The following AMMECR1 variants were observed in gnomAD, a reference collection of about 807,000 sequenced individuals.
The protein encoded by AMMECR1 is AMMECR nuclear protein 1.
In AMMECR1, 3 loss-of-function variants were observed where a neutral mutation model predicts 22.5. The observed-to-expected ratio is 0.13, with a 90% CI of 0.06 to 0.35. The LOEUF is 0.35. Among genes scored for constraint, AMMECR1 ranks in the 10% least tolerant of loss-of-function variants. AMMECR1 has a pLI of 1.00. For missense variants in AMMECR1, 235 were observed against 278.7 expected (o/e 0.84, Z 1.12); for synonymous variants, 130 against 116.7 (o/e 1.11, Z -0.74).
chrX:110,231,960 A>G (rs906619602), intron 2 of AMMECR1, among the ~76,000 whole-genome samples: 3 of 111,917 alleles, frequency 2.7e-5, no homozygotes, highest in Non-Finnish European at 5.6e-5. Context: ...CAACAAGAAG[A>G]GCTAACTATC....
intron 1 of AMMECR1, among the ~76,000 whole-genome samples, chrX:110,433,725 G>A (rs1055204226): frequency 1.8e-5 from 2 of 112,103 alleles, no homozygotes; most frequent in East Asian, 5.6e-4. Context: ...CCCTGAATGA[G>A]TGTTAACTAG....
At position 110,239,857 on chromosome X, in the gene AMMECR1, G is replaced by A. The variant is rs867896479; in HGVS notation, c.585-23225C>T. Among the ~76,000 whole-genome samples the A allele has an allele frequency of 7.0e-4, 78 of 111,820 alleles. 2 individuals are homozygous for A. Among genetic ancestry groups the A allele is most frequent in the Middle Eastern group, 9.2e-3 (2 of 218 alleles). ...CCATCAGACTAACAGTGGATCTCTC[G>A]GCAGAAACCCCACAAGCCAGAAGAG... is the stretch of plus-strand genomic sequence containing the variant. On this transcript the variant is annotated intron_variant, in intron 2 of 5. Coordinates refer to ENST00000262844, the MANE Select transcript of AMMECR1 (RefSeq NM_015365.3).
chrX:110,238,782 ACCT>A (rs1602813530), intron 2 of AMMECR1, among the ~76,000 whole-genome samples: 1 of 112,005 alleles, frequency 8.9e-6, no homozygotes, highest in African/African-American at 3.2e-5. Context: ...GTCGACAGAC[ACCT>A]CATACAGGAG....
intron 2 of AMMECR1, among the ~76,000 whole-genome samples, chrX:110,229,057 T>C (rs1175748523): frequency 8.9e-6 from 1 of 112,378 alleles, no homozygotes; most frequent in Non-Finnish European, 1.9e-5. Context: ...TTCAAGTAAA[T>C]AGCACAATGA....
intron 2 of AMMECR1, among the ~76,000 whole-genome samples, chrX:110,399,280 G>T (rs1254771738): frequency 1.8e-5 from 2 of 112,358 alleles, no homozygotes; most frequent in African/African-American, 3.2e-5. Flanking sequence ...ACTTAGAAAT[G>T]CAGAAGCCTA....
chrX:110,285,795 G>A (rs1275716818), intron 1 of AMMECR1, among the ~76,000 whole-genome samples: 1 of 111,259 alleles, frequency 9.0e-6, no homozygotes, highest in Admixed American at 9.6e-5. Context: ...GTATCTCACA[G>A]AACAGTTTTC....
chrX:110,272,289 G>A (rs972409430), intron 1 of AMMECR1, among the ~76,000 whole-genome samples: 8 of 111,004 alleles, frequency 7.2e-5, no homozygotes, highest in African/African-American at 2.6e-4. Context: ...GAAGTCTTCC[G>A]ATTCCTAAGC....
At chrX:110,234,650 C>A (rs1264483058) in intron 2 of AMMECR1, among the ~76,000 whole-genome samples, 1 of 109,510 alleles carries the variant, frequency 9.1e-6, no homozygotes, top group Non-Finnish European at 1.9e-5. Flanking sequence ...CAATGGAACA[C>A]AACAGAGCCC....
intron 2 of AMMECR1, among the ~76,000 whole-genome samples, chrX:110,343,881 G>A (rs1472110791): frequency 1.8e-5 from 2 of 111,446 alleles, no homozygotes; most frequent in East Asian, 2.8e-4. Flanking sequence ...ATGCTCATGG[G>A]TAGGAAGAAT....
chrX:110,292,689 G>C (rs1036022418), intron 1 of AMMECR1, among the ~76,000 whole-genome samples: 1 of 112,372 alleles, frequency 8.9e-6, no homozygotes, highest in Non-Finnish European at 1.9e-5. Flanking sequence ...AAAAAGGTAA[G>C]TGTTAGGGAG....
chrX:110,295,808 T>G, intron 1 of AMMECR1, among the ~76,000 whole-genome samples: 1 of 111,655 alleles, frequency 9.0e-6, no homozygotes, highest in Middle Eastern at 4.6e-3. Flanking sequence ...ATACAAAAAC[T>G]CTGTTCCCCT....
chrX:110,334,782 C>CT (rs2068134681), intron 2 of AMMECR1, among the ~76,000 whole-genome samples: 1 of 111,981 alleles, frequency 8.9e-6, no homozygotes, highest in African/African-American at 3.2e-5. Flanking sequence ...GTAACAACTG[C>CT]TTCATAACAT....
chrX:110,204,133 C>T (rs947901280), intron 3 of AMMECR1, among the ~76,000 whole-genome samples: 3 of 111,492 alleles, frequency 2.7e-5, no homozygotes, highest in Non-Finnish European at 5.7e-5. Flanking sequence ...CCTGATGAGA[C>T]AATGACAAAT....
At position 110,346,634 on chromosome X, in the gene AMMECR1, A is replaced by G. The variant is rs181273659; in HGVS notation, c.-147-28785T>C. 6 of 549,410 alleles carry G rather than the reference A, an allele frequency of 1.1e-5. No homozygotes were observed. The East Asian group carries it at 1.3e-4, about 12-fold the overall frequency. 45.3% of individuals were successfully genotyped at this position (549,410 alleles called of 1,213,427 possible). ...GGATAAGCTTTTGTACAGGCTTCAAATGTATCTCTCTTGAATATTCACTGG... is the reference window on the plus strand; with the variant it reads ...GGATAAGCTTTTGTACAGGCTTCAAGTGTATCTCTCTTGAATATTCACTGG... On this transcript the variant is annotated intron_variant, in intron 2 of 7. Transcript: ENST00000372057.
chrX:110,245,586 A>G (rs1048193833), intron 2 of AMMECR1, among the ~76,000 whole-genome samples: 2 of 111,132 alleles, frequency 1.8e-5, no homozygotes, highest in Admixed American at 9.6e-5. Context: ...TCTCAAAAGG[A>G]CTTTTAAAAA....
At chrX:110,283,027 TCA>T (rs966286641) in intron 1 of AMMECR1, among the ~76,000 whole-genome samples, 13 of 111,147 alleles carry the variant, frequency 1.2e-4, no homozygotes, top group African/African-American at 4.3e-4. Flanking sequence ...CTTTTTTATT[TCA>T]GTCATTCTTA....
intron 2 of AMMECR1, among the ~76,000 whole-genome samples, chrX:110,400,104 T>C (rs1355274388): frequency 9.1e-6 from 1 of 109,732 alleles, no homozygotes; most frequent in African/African-American, 3.3e-5. Flanking sequence ...CTCCCTGACA[T>C]TCTACTGAAT....
At chrX:110,302,165 T>C (rs764171) in intron 1 of AMMECR1, among the ~76,000 whole-genome samples, 1 of 111,331 alleles carries the variant, frequency 9.0e-6, no homozygotes, top group African/African-American at 3.3e-5. Context: ...AAAGATACCT[T>C]CTTTCAGGTA....
intron 2 of AMMECR1, among the ~76,000 whole-genome samples, chrX:110,354,382 C>A (rs937458769): frequency 2.2e-4 from 25 of 111,814 alleles, no homozygotes; most frequent in African/African-American, 8.1e-4. Context: ...TTATTATTCC[C>A]TTTAAACAAT....
Sources: allele counts gnomAD v4.1 joint callset (sites outside exome capture counted in the v4.1 genomes callset), GRCh38; gene constraint gnomAD v4.1.1; transcripts MANE v1.5; gene names NCBI Gene and HGNC (gene_info 2026-07-23, HGNC 2026-07-21).